Variants in CARNMT1 observed in about 807,000 individuals in gnomAD.
CARNMT1 encodes the protein protein-L-histidine N-pros-methyltransferase CARNMT1.
A neutral mutation model predicts 49.6 loss-of-function variants in CARNMT1; 28 were observed. The ratio of observed to expected loss-of-function variants is 0.56; its 90% CI spans 0.42 to 0.77. The LOEUF (loss-of-function observed/expected upper bound fraction) is 0.77. Ranked by LOEUF, CARNMT1 falls within the 30% of genes least tolerant of loss-of-function variation. The pLI is 0.00. For synonymous variants in CARNMT1, 178 were observed against 175.0 expected (o/e 1.02, Z -0.13); for missense variants, 421 against 512.6 (o/e 0.82, Z 1.73).
intron 6 of CARNMT1, among the ~76,000 whole-genome samples, chr9:74,994,404 T>C (rs147444450): frequency 6.6e-6 from 1 of 152,314 alleles, no homozygotes; most frequent in Non-Finnish European, 1.5e-5. Context: ...GAAAAGATAT[T>C]GGGAGGCATG....
chr9:74,983,889 A>G, intron 7 of CARNMT1, 21 bp from the exon 8 acceptor site: 1 of 1,544,420 alleles, frequency 6.5e-7, no homozygotes, highest in Non-Finnish European at 8.8e-7. Context: ...AACAATAATC[A>G]TAATACTATG....
At chr9:75,001,440 A>C (rs1833352977) in intron 3 of CARNMT1, among the ~76,000 whole-genome samples, 1 of 152,222 alleles carries the variant, frequency 6.6e-6, no homozygotes, top group Admixed American at 6.5e-5. Context: ...AAAATATATT[A>C]ACAGTACCTT....
intron 2 of CARNMT1, chr9:75,016,764 G>A: frequency 3.7e-6 from 1 of 273,098 alleles, no homozygotes; most frequent in Non-Finnish European, 6.8e-6. Context: ...TGATGGGGCA[G>A]CATGGAGAGG....
chr9:75,006,073 T>A (rs1265286263), intron 3 of CARNMT1, among the ~76,000 whole-genome samples: 1 of 151,714 alleles, frequency 6.6e-6, no homozygotes, highest in Non-Finnish European at 1.5e-5. Flanking sequence ...TTCTTTTTTT[T>A]TTGTGACAGA....
At position 74,996,491 on chromosome 9, in the gene CARNMT1, G is replaced by T; in HGVS notation, c.980C>A (p.Thr327Lys). 6.2e-7 allele frequency: 1 copy of T among 1,607,802 alleles called. No individual in the cohort carries two copies. Among genetic ancestry groups the T allele is most frequent in the Non-Finnish European group, 8.5e-7 (1 of 1,177,366 alleles). ...ACCTGGCTTGAGTATTTTCCATATT[G>T]TATCAATATAATCAATTACATTGTG... ...TAHNVIDYID[T>K]IWKILKPGGI... The change falls in exon 6 of 8, where the codon ACA becomes AAA. Residue 327 changes from threonine to lysine, a missense_variant. By Grantham distance (78) the Thr-to-Lys change is moderately conservative. Around this residue, in one of 2 missense-constraint regions of CARNMT1, gnomAD observed 235 missense variants for 344.8 expected, o/e 0.68. Transcript: ENST00000376834.
intron 4 of CARNMT1, among the ~76,000 whole-genome samples, 162 bp downstream of exon 4, chr9:74,999,568 T>C (rs1833295308): frequency 6.6e-6 from 1 of 152,200 alleles, no homozygotes; most frequent in East Asian, 1.9e-4. Flanking sequence ...GTTCAAGTGA[T>C]AATTTGTGTA....
At chr9:74,994,448 G>C (rs1402064908) in intron 6 of CARNMT1, among the ~76,000 whole-genome samples, 1 of 151,948 alleles carries the variant, frequency 6.6e-6, no homozygotes, top group African/African-American at 2.4e-5. Flanking sequence ...GCTTTTTTTT[G>C]AGATGGGGTC....
Position 74,998,741 on chromosome 9 carries a change from C to A in CARNMT1, c.767G>T (p.Trp256Leu). ...SEINKYKLYP[W>L]IHQFSNNRRS... ...CCGGTTATTGCTAAACTGATGGATCCAAGGATAAAGTTTATATTTATTAAT... is the reference window on the plus strand; with the variant it reads ...CCGGTTATTGCTAAACTGATGGATCAAAGGATAAAGTTTATATTTATTAAT... Residue 256 changes from tryptophan to leucine, a missense_variant, in exon 5 of 8, where the codon TGG becomes TTG. Around this residue, in one of 2 missense-constraint regions of CARNMT1, gnomAD observed 235 missense variants for 344.8 expected, o/e 0.68. Coordinates refer to ENST00000376834, the MANE Select transcript of CARNMT1 (RefSeq NM_152420.3). 1 of 1,570,494 alleles carries A rather than the reference C, an allele frequency of 6.4e-7. No homozygotes were observed. Among genetic ancestry groups the A allele is most frequent in the Non-Finnish European group, 8.6e-7 (1 of 1,158,026 alleles).
chr9:75,007,392 T>G (rs1026857704), intron 3 of CARNMT1, among the ~76,000 whole-genome samples: 3 of 152,222 alleles, frequency 2.0e-5, no homozygotes, highest in East Asian at 3.9e-4. Context: ...AAAAATATAT[T>G]TGACAAAATT....
chr9:75,021,503 G>A (rs1822363057), intron 1 of CARNMT1, among the ~76,000 whole-genome samples: 1 of 146,324 alleles, frequency 6.8e-6, no homozygotes, highest in African/African-American at 2.5e-5. Flanking sequence ...GTTCAAAAAA[G>A]GAGTAGGTAT....
At chr9:75,014,446 G>T (rs1833787038) in intron 3 of CARNMT1, among the ~76,000 whole-genome samples, 1 of 152,164 alleles carries the variant, frequency 6.6e-6, no homozygotes, top group African/African-American at 2.4e-5. Context: ...AGTAAATTAT[G>T]AAACTTGAAT....
rs199505878 is a variant in CARNMT1 at position 74,998,554 on chromosome 9, T to C, written c.910+44A>G. ...TAGGATAAAACTAGCTCATTAAATT[T>C]AGAATAAAGGACAAGACTTTTTAAA... is the stretch of plus-strand genomic sequence containing the variant. On this transcript the variant is annotated intron_variant, in intron 5 of 7. Coordinates refer to ENST00000376834, the MANE Select transcript of CARNMT1 (RefSeq NM_152420.3). 8.1e-4 allele frequency: 1,162 copies of C among 1,439,732 alleles called. 3 individuals carry two copies. The highest frequency in any genetic ancestry group is 8.7e-4 in the Non-Finnish European group (940 of 1,083,278). 89.2% of individuals were successfully genotyped at this position (1,439,732 alleles called of 1,614,324 possible). A position where few individuals can be genotyped will look rare whatever the true frequency, so the allele number is the denominator to read the frequency against.
chr9:75,002,563 T>C (rs922348343), intron 3 of CARNMT1, among the ~76,000 whole-genome samples: 3 of 152,170 alleles, frequency 2.0e-5, no homozygotes, highest in African/African-American at 7.2e-5. Flanking sequence ...TTTTATTACA[T>C]TGAAATTTTC....
At chr9:75,022,509 C>A (rs534660186) in intron 1 of CARNMT1, among the ~76,000 whole-genome samples, 13 of 152,042 alleles carry the variant, frequency 8.6e-5, no homozygotes, top group Non-Finnish European at 1.9e-4. Flanking sequence ...TAGGCGTGAG[C>A]CCCTACACCT....
intron 1 of CARNMT1, among the ~76,000 whole-genome samples, chr9:75,020,457 G>C (rs1019122645): frequency 6.6e-6 from 1 of 151,558 alleles, no homozygotes; most frequent in African/African-American, 2.4e-5. Context: ...TAGTAGAGAC[G>C]GGGTTTCACC....
chr9:75,028,421 T>C, upstream of CARNMT1: 1 of 1,281,970 alleles, frequency 7.8e-7, no homozygotes, highest in Non-Finnish European at 9.8e-7. Context: ...TCTTCAGGGC[T>C]CCCAGAACCA....
chr9:75,008,211 T>C (rs1833579141), intron 3 of CARNMT1, among the ~76,000 whole-genome samples: 1 of 148,722 alleles, frequency 6.7e-6, no homozygotes, highest in Non-Finnish European at 1.5e-5. Flanking sequence ...CATAATGTTT[T>C]AAGAAAGTTT....
chr9:74,998,808 A>G (rs760314328), intron 4 of CARNMT1, 32 bp from the exon 5 acceptor site: 1 of 1,359,830 alleles, frequency 7.4e-7, no homozygotes, highest in Non-Finnish European at 9.8e-7. Context: ...TCAGGTGTTA[A>G]CTAAATATTT....
In CARNMT1 at chr9:74,981,423, G is replaced by T. The variant is rs1267638094; in HGVS notation, c.*2344C>A. 6.6e-6 allele frequency: 1 copy of T among 152,022 alleles called. No homozygotes were observed. The highest frequency in any genetic ancestry group is 2.4e-5 in the African/African-American group (1 of 41,394). The allele number at this position is 152,022 out of a possible 1,614,324, so 9.4% of individuals were successfully genotyped here. A position where few individuals can be genotyped will look rare whatever the true frequency, so the allele number is the denominator to read the frequency against. ...TAAGGCTTACATACTTTAGTAGCTA[G>T]GACTAAAATTAAGAAATACAAAGCT... is the stretch of plus-strand genomic sequence containing the variant. On this transcript the variant is annotated 3_prime_UTR_variant, in exon 8 of 8. Coordinates refer to ENST00000376834, the MANE Select transcript of CARNMT1 (RefSeq NM_152420.3).
Sources: allele counts gnomAD v4.1 joint callset (sites outside exome capture counted in the v4.1 genomes callset), GRCh38; gene constraint gnomAD v4.1.1; regional missense constraint gnomAD v4.1.1; transcripts MANE v1.5; gene names NCBI Gene and HGNC (gene_info 2026-07-23, HGNC 2026-07-21).